The following FOXJ3 variants were observed in gnomAD, a reference collection of about 807,000 sequenced individuals.
FOXJ3 encodes forkhead box protein J3.
A neutral mutation model predicts 76.1 loss-of-function variants in FOXJ3; 22 were observed. That is an observed-to-expected ratio of 0.29 (90% confidence interval 0.21 to 0.41). The LOEUF is 0.41. Among genes scored for constraint, FOXJ3 ranks in the 10% least tolerant of loss-of-function variants. FOXJ3 has a pLI of 1.00. For synonymous variants in FOXJ3, 269 were observed against 261.2 expected (o/e 1.03, Z -0.29); for missense variants, 613 against 762.1 (o/e 0.80, Z 2.30).
At chr1:42,191,110 T>C (rs1405128013) in intron 9 of FOXJ3, among the ~76,000 whole-genome samples, 193 bp downstream of exon 9, 1 of 152,056 alleles carries the variant, frequency 6.6e-6, no homozygotes, top group African/African-American at 2.4e-5. Flanking sequence ...GGTTTGCCTA[T>C]GTTGCCACAA....
chr1:42,264,831 A>G, intron 4 of FOXJ3: 1 of 339,334 alleles, frequency 2.9e-6, no homozygotes, highest in Non-Finnish European at 5.4e-6. Context: ...ATAATGAATT[A>G]TGGTTCCTGA....
At chr1:42,241,733 G>A (rs926069989) in intron 4 of FOXJ3, among the ~76,000 whole-genome samples, 35 of 152,298 alleles carry the variant, frequency 2.3e-4, no homozygotes, top group African/African-American at 8.4e-4. Flanking sequence ...CACCCATGCT[G>A]TCCAGGGGAA....
At chr1:42,232,772 T>A (rs1648265299) in intron 4 of FOXJ3, among the ~76,000 whole-genome samples, 1 of 152,348 alleles carries the variant, frequency 6.6e-6, no homozygotes, top group South Asian at 2.1e-4. Flanking sequence ...GTAGTTTCTT[T>A]GGCTGTGTGG....
intron 2 of FOXJ3, among the ~76,000 whole-genome samples, chr1:42,294,561 C>A (rs1057267355): frequency 6.6e-6 from 1 of 152,066 alleles, no homozygotes; most frequent in South Asian, 2.1e-4. Flanking sequence ...GAGTTCGAGA[C>A]CAGCCTGGCC....
chr1:42,219,082 C>A (rs1405808415), intron 5 of FOXJ3, among the ~76,000 whole-genome samples: 94 of 152,328 alleles, frequency 6.2e-4, no homozygotes, highest in African/African-American at 2.0e-3. Context: ...CCTCTCTTTT[C>A]CACAGTTTCA....
At chr1:42,242,168 T>C (rs1381345867) in intron 4 of FOXJ3, among the ~76,000 whole-genome samples, 1 of 151,724 alleles carries the variant, frequency 6.6e-6, no homozygotes, top group Non-Finnish European at 1.5e-5. Context: ...AACTGCTACA[T>C]TAGATGCACA....
At chr1:42,323,081 C>T (rs1408666743) in intron 1 of FOXJ3, among the ~76,000 whole-genome samples, 1 of 152,098 alleles carries the variant, frequency 6.6e-6, no homozygotes, top group African/African-American at 2.4e-5. Flanking sequence ...AACCAAATGT[C>T]AAGTGTATAA....
chr1:42,301,838 G>A (rs1654167538), intron 2 of FOXJ3, among the ~76,000 whole-genome samples: 1 of 152,038 alleles, frequency 6.6e-6, no homozygotes, highest in South Asian at 2.1e-4. Flanking sequence ...ATCCATCGCT[G>A]AAGAGTTAGT....
chr1:42,251,095 C>G (rs1650002378), intron 4 of FOXJ3, among the ~76,000 whole-genome samples: 1 of 151,880 alleles, frequency 6.6e-6, no homozygotes, highest in Admixed American at 6.6e-5. Context: ...GATGAGCAGG[C>G]CTGGAATAAA....
At chr1:42,217,686 G>C (rs993030794) in intron 5 of FOXJ3, among the ~76,000 whole-genome samples, 1 of 152,164 alleles carries the variant, frequency 6.6e-6, no homozygotes, top group Non-Finnish European at 1.5e-5. Flanking sequence ...TTATGGATTA[G>C]AATATTCAAT....
chr1:42,299,122 A>G (rs1038062411), intron 2 of FOXJ3, among the ~76,000 whole-genome samples: 6 of 152,150 alleles, frequency 3.9e-5, no homozygotes, highest in African/African-American at 1.4e-4. Context: ...TGTTCTATAA[A>G]TGTCTATTAG....
At chr1:42,293,011 C>T (rs752968575) in intron 2 of FOXJ3, among the ~76,000 whole-genome samples, 8 of 152,074 alleles carry the variant, frequency 5.3e-5, no homozygotes, top group Admixed American at 1.3e-4. Context: ...CGAGACAAGA[C>T]GATTGCTTGA....
At chr1:42,259,685 C>T (rs879490730) in intron 4 of FOXJ3, among the ~76,000 whole-genome samples, 2 of 152,166 alleles carry the variant, frequency 1.3e-5, no homozygotes, top group Non-Finnish European at 2.9e-5. Flanking sequence ...AATGGAATGC[C>T]TCACATTCAT....
intron 1 of FOXJ3, among the ~76,000 whole-genome samples, chr1:42,314,604 G>C (rs2124764158): frequency 6.6e-6 from 1 of 152,298 alleles, no homozygotes; most frequent in Non-Finnish European, 1.5e-5. Context: ...GCAATGATCT[G>C]AGTGTGTCTG....
intron 4 of FOXJ3, among the ~76,000 whole-genome samples, chr1:42,236,472 G>A (rs903643419): frequency 1.3e-5 from 2 of 152,158 alleles, no homozygotes; most frequent in East Asian, 1.9e-4. Context: ...TAGGATTACA[G>A]GCATGAGCCA....
intron 4 of FOXJ3, among the ~76,000 whole-genome samples, chr1:42,235,235 T>A (rs1648510694): frequency 6.6e-6 from 1 of 152,206 alleles, no homozygotes; most frequent in Non-Finnish European, 1.5e-5. Context: ...GTGTGCCGTT[T>A]GCTAAGACTG....
intron 4 of FOXJ3, among the ~76,000 whole-genome samples, chr1:42,239,441 A>G (rs1648954429): frequency 6.7e-6 from 1 of 150,264 alleles, no homozygotes; most frequent in Non-Finnish European, 1.5e-5. Flanking sequence ...AACCTTGGTC[A>G]AATATTTTTT....
intron 5 of FOXJ3, among the ~76,000 whole-genome samples, chr1:42,219,450 C>A (rs971667091): frequency 6.6e-6 from 1 of 152,198 alleles, no homozygotes; most frequent in Non-Finnish European, 1.5e-5. Flanking sequence ...TGGTTTCAGG[C>A]AGCCACTGGG....
chr1:42,260,134 T>C (rs1650919964), intron 4 of FOXJ3, among the ~76,000 whole-genome samples: 1 of 152,172 alleles, frequency 6.6e-6, no homozygotes, highest in Admixed American at 6.5e-5. Flanking sequence ...AAAATTATAC[T>C]CTTATCTTCC....
Sources: allele counts gnomAD v4.1 joint callset (sites outside exome capture counted in the v4.1 genomes callset), GRCh38; gene constraint gnomAD v4.1.1; transcripts MANE v1.5; gene names NCBI Gene and HGNC (gene_info 2026-07-23, HGNC 2026-07-21).